The following PBK variants were observed in gnomAD, a reference collection of about 807,000 sequenced individuals.
The protein encoded by PBK is lymphokine-activated killer T-cell-originated protein kinase.
Under a neutral mutation model 33.5 loss-of-function variants are expected in PBK, and 22 were observed. That is an observed-to-expected ratio of 0.66 (90% CI 0.47 to 0.94). PBK has a LOEUF of 0.94. PBK is among the 40% of genes least tolerant of loss of function. PBK has a pLI of 0.00. For missense variants in PBK, 376 were observed against 383.4 expected (o/e 0.98, Z 0.16); for synonymous variants, 129 against 123.8 (o/e 1.04, Z -0.28).
chr8:27,828,377 A>C (rs531781924), intron 2 of PBK, among the ~76,000 whole-genome samples, 179 bp from the exon 3 acceptor site: 24 of 152,322 alleles, frequency 1.6e-4, no homozygotes, highest in African/African-American at 5.8e-4. Context: ...TTGGAGTTTT[A>C]TCCTACAGTA....
intron 6 of PBK, among the ~76,000 whole-genome samples, chr8:27,817,874 A>G (rs987028779): frequency 4.6e-5 from 7 of 152,188 alleles, no homozygotes; most frequent in African/African-American, 9.7e-5. Context: ...GAAACTTTCT[A>G]TGATGATTAA....
intron 6 of PBK, 63 bp downstream of exon 6, chr8:27,820,502 C>T (rs1263064613): frequency 1.8e-5 from 17 of 925,280 alleles, no homozygotes; most frequent in Non-Finnish European, 2.5e-5. Context: ...TGTGGACTTA[C>T]GTATTTAAAA....
chr8:27,817,626 G>T (rs1805844075), intron 6 of PBK, among the ~76,000 whole-genome samples: 1 of 151,488 alleles, frequency 6.6e-6, no homozygotes, highest in Non-Finnish European at 1.5e-5. Context: ...AATATATCAG[G>T]TTATTATAAA....
intron 3 of PBK, among the ~76,000 whole-genome samples, chr8:27,823,454 G>A (rs12682238): frequency 0.13 from 19,769 of 151,914 alleles, 1,518 homozygotes; most frequent in East Asian, 0.34. Context: ...GAAGGGTAAA[G>A]ATGGAATGTT....
chr8:27,822,333 C>T lies in PBK; in HGVS notation c.451G>A (p.Ala151Thr). The T allele has an allele frequency of 6.2e-7, 1 of 1,609,962 alleles. No individual in the cohort carries two copies. The highest frequency in any genetic ancestry group is 1.7e-5 in the Admixed American group (1 of 59,576). Residue 151 changes from alanine (A) to threonine (T), a missense_variant, in exon 5 of 8, where the codon GCA becomes ACA. Physicochemically the swap from Ala to Thr is moderately conservative, Grantham distance 58 (BLOSUM62 0). Transcript: ENST00000301905. Reference protein sequence around the residue: ...AIILKVALNMARGLKYLHQEK... With the variant: ...AIILKVALNMTRGLKYLHQEK... ...GACATAGTTACCTTTAACCCTCTTGCCATATTCAAAGCAACTTTTAAAATT... is the reference window on the plus strand; with the variant it reads ...GACATAGTTACCTTTAACCCTCTTGTCATATTCAAAGCAACTTTTAAAATT...
At chr8:27,822,853 A>C (rs1212994878) in intron 4 of PBK, among the ~76,000 whole-genome samples, 2 of 152,126 alleles carry the variant, frequency 1.3e-5, no homozygotes, top group Non-Finnish European at 2.9e-5. Flanking sequence ...CATAATTATT[A>C]TATCTGTTCT....
At chr8:27,825,961 CAG>C (rs1160845838) in intron 3 of PBK, among the ~76,000 whole-genome samples, 2 of 152,078 alleles carry the variant, frequency 1.3e-5, no homozygotes, top group Non-Finnish European at 2.9e-5. Flanking sequence ...AATAATGTCT[CAG>C]AAATTTAAGA....
At chr8:27,815,209 G>A (rs1344529129) in intron 6 of PBK, among the ~76,000 whole-genome samples, 2 of 150,264 alleles carry the variant, frequency 1.3e-5, no homozygotes, top group African/African-American at 2.5e-5. Flanking sequence ...GGTAAAAGAA[G>A]GAAAAGTGAG....
At chr8:27,833,214 A>T (rs540224930) in intron 1 of PBK, 81 bp from the exon 2 acceptor site, 6 of 702,538 alleles carry the variant, frequency 8.5e-6, no homozygotes, top group African/African-American at 7.3e-5. Context: ...GCCAATAGCC[A>T]GGCGCAGTGG....
At position 27,833,095 on chromosome 8, in the gene PBK, A is replaced by T. The variant is rs142678781; in HGVS notation, c.19T>A (p.Phe7Ile). The change falls in exon 2 of 8, where the codon TTC (phenylalanine) becomes ATC (isoleucine). Residue 7 changes from phenylalanine (F) to isoleucine (I), a missense_variant. Transcript: ENST00000301905. MEGISNFKTPSKLSEKK... is the reference protein window; with the variant it reads MEGISNIKTPSKLSEKK... ...TCTGATAATTTGCTTGGTGTCTTGAAATTACTGATCCCTTCCATTGTGAAA... is the reference window on the plus strand; with the variant it reads ...TCTGATAATTTGCTTGGTGTCTTGATATTACTGATCCCTTCCATTGTGAAA... The T allele has an allele frequency of 1.2e-4, 192 of 1,600,086 alleles. No homozygotes were observed. The highest frequency in any genetic ancestry group is 1.3e-4 in the Non-Finnish European group (150 of 1,173,376).
At chr8:27,820,737 A>G (rs772198902) in intron 5 of PBK, 43 bp from the exon 6 acceptor site, 1 of 1,157,944 alleles carries the variant, frequency 8.6e-7, no homozygotes, top group South Asian at 1.5e-5. Flanking sequence ...AGAAACACAA[A>G]CTAATAAAAA....
At chr8:27,816,343 C>CTTATATATATATATATATA (rs1554559818) in intron 6 of PBK, among the ~76,000 whole-genome samples, 3 of 136,358 alleles carry the variant, frequency 2.2e-5, no homozygotes, top group Admixed American at 1.5e-4. Flanking sequence ...TCATCGAATA[C>CTTATATATATATATATATA]TATATATATA....
Position 27,820,540 on chromosome 8 carries a change from TTTAAAAC to T in PBK, c.595+18_595+24del, listed in dbSNP as rs1362658712. On this transcript the variant is annotated intron_variant, in intron 6 of 7. Transcript: ENST00000301905. ...GTAAACACTGTATTAAAAACAAAATTTTAAAACTTAAGAGTACAACTTACCAGTCATA... is the reference window on the plus strand; with the variant it reads ...GTAAACACTGTATTAAAAACAAAATTTTAAGAGTACAACTTACCAGTCATA... The T allele has an allele frequency of 7.6e-6, 11 of 1,441,866 alleles. No individual in the cohort carries two copies. In the African/African-American group the frequency reaches 1.6e-4, roughly 21 times the overall value. The allele number at this position is 1,441,866 out of a possible 1,614,324, so 89.3% of individuals were successfully genotyped here. A position where few individuals can be genotyped will look rare whatever the true frequency, so the allele number is the denominator to read the frequency against.
At chr8:27,821,730 T>C (rs901863713) in intron 5 of PBK, among the ~76,000 whole-genome samples, 33 of 152,300 alleles carry the variant, frequency 2.2e-4, no homozygotes, top group African/African-American at 7.5e-4. Context: ...CTAGTAATTT[T>C]TAGAAATAAT....
rs1380033153 is a variant in PBK at position 27,826,567 on chromosome 8, C to T, written c.152+1538G>A. On this transcript the variant is annotated intron_variant, in intron 3 of 7. Coordinates refer to ENST00000301905, the MANE Select transcript of PBK (RefSeq NM_018492.4). ...TGCCCAGCACTTTGGGAGGCCGAGG[C>T]GGGCGGATCACGAGGTCAGGAGATC... 4.8e-5 allele frequency among the ~76,000 whole-genome samples: 7 copies of T among 145,554 alleles called. 2 individuals are homozygous for T. Among genetic ancestry groups the T allele is most frequent in the African/African-American group, 1.6e-4 (6 of 37,930 alleles).
At chr8:27,833,539 G>A (rs555918071) in intron 1 of PBK, among the ~76,000 whole-genome samples, 1 of 150,456 alleles carries the variant, frequency 6.6e-6, no homozygotes, top group Non-Finnish European at 1.5e-5. Context: ...TAACATTATC[G>A]TTCACGTTAT....
rs1585436404 is a variant in PBK at position 27,832,899 on chromosome 8, A to G, written c.58+157T>C. The G allele has an allele frequency of 1.5e-5, 8 of 546,086 alleles. No individual in the cohort carries two copies. The South Asian group carries it at 1.5e-4, about 10-fold the overall frequency. The allele number at this position is 546,086 out of a possible 1,614,324, so 33.8% of individuals were successfully genotyped here. A position where few individuals can be genotyped will look rare whatever the true frequency, so the allele number is the denominator to read the frequency against. On this transcript the variant is annotated intron_variant, in intron 2 of 7. Coordinates refer to ENST00000301905, the MANE Select transcript of PBK (RefSeq NM_018492.4). ...TCCAGAGATGATCAAACCGTGGCCT[A>G]TAAAATAAGTCTTATTTGTTAAGAT...
At chr8:27,822,810 T>A (rs1805955576) in intron 4 of PBK, among the ~76,000 whole-genome samples, 1 of 152,178 alleles carries the variant, frequency 6.6e-6, no homozygotes, top group Non-Finnish European at 1.5e-5. Context: ...TGAAGATCAT[T>A]TTATATTCTT....
At chr8:27,837,016 G>A (rs889051656) in intron 1 of PBK, among the ~76,000 whole-genome samples, 2 of 152,124 alleles carry the variant, frequency 1.3e-5, no homozygotes, top group Admixed American at 1.3e-4. Flanking sequence ...AACATTAATT[G>A]TTAAATAACC....
Sources: allele counts gnomAD v4.1 joint callset (sites outside exome capture counted in the v4.1 genomes callset), GRCh38; gene constraint gnomAD v4.1.1; transcripts MANE v1.5; gene names NCBI Gene and HGNC (gene_info 2026-07-23, HGNC 2026-07-21).